The following RNFT2 variants were observed in gnomAD, a reference collection of about 807,000 sequenced individuals.
RNFT2 encodes E3 ubiquitin-protein ligase RNFT2.
A neutral mutation model predicts 53.0 loss-of-function variants in RNFT2; 36 were observed. The ratio of observed to expected loss-of-function variants is 0.68; its 90% CI spans 0.52 to 0.90. RNFT2 has a LOEUF of 0.90. Ranked by LOEUF, RNFT2 falls within the 40% of genes least tolerant of loss-of-function variation. The pLI, the probability that RNFT2 is intolerant of heterozygous loss-of-function variation, is 0.00. For synonymous variants in RNFT2, 260 were observed against 253.2 expected (o/e 1.03, Z -0.26); for missense variants, 514 against 585.6 (o/e 0.88, Z 1.26).
intron 10 of RNFT2, among the ~76,000 whole-genome samples, chr12:116,837,987 G>A (rs574564385): frequency 4.0e-5 from 6 of 151,628 alleles, no homozygotes; most frequent in Non-Finnish European, 8.8e-5. Flanking sequence ...ATGTATATGT[G>A]TGTATATATT....
intron 7 of RNFT2, among the ~76,000 whole-genome samples, chr12:116,833,020 TC>T (rs1456575817): frequency 6.7e-6 from 1 of 150,182 alleles, no homozygotes; most frequent in Admixed American, 6.7e-5. Flanking sequence ...TTCAAGCAAT[TC>T]TCCTGCCTCG....
At chr12:116,771,876 A>G (rs1873213237) in intron 6 of RNFT2, among the ~76,000 whole-genome samples, 1 of 152,162 alleles carries the variant, frequency 6.6e-6, no homozygotes, top group Non-Finnish European at 1.5e-5. Flanking sequence ...TTGAAACGAG[A>G]CGCTTCCTCC....
intron 7 of RNFT2, among the ~76,000 whole-genome samples, chr12:116,800,412 C>G (rs1232781420): frequency 6.6e-6 from 1 of 151,700 alleles, no homozygotes; most frequent in Non-Finnish European, 1.5e-5. Flanking sequence ...GCGGGCAGAT[C>G]ACCTGAGGTC....
chr12:116,754,877 C>T (rs1235114225), intron 5 of RNFT2, among the ~76,000 whole-genome samples: 1 of 151,684 alleles, frequency 6.6e-6, no homozygotes, highest in East Asian at 1.9e-4. Context: ...TTGTAGATTC[C>T]GGATATTAGT....
chr12:116,836,691 G>A (rs1270528162), intron 10 of RNFT2, among the ~76,000 whole-genome samples: 6 of 152,134 alleles, frequency 3.9e-5, no homozygotes, highest in African/African-American at 7.2e-5. Flanking sequence ...TTGGAAGGCC[G>A]AGGCAGGCAG....
intron 5 of RNFT2, among the ~76,000 whole-genome samples, chr12:116,755,183 C>T (rs942847321): frequency 1.3e-5 from 2 of 152,106 alleles, no homozygotes; most frequent in Non-Finnish European, 2.9e-5. Flanking sequence ...AGATGAGGAT[C>T]CAGTTTCACT....
chr12:116,742,548 A>G (rs76865895), intron 3 of RNFT2, among the ~76,000 whole-genome samples: 7,311 of 152,246 alleles, frequency 0.048, 203 homozygotes, highest in Non-Finnish European at 0.053. Context: ...CGCTGGGATT[A>G]TAAGCGCAAG....
intron 5 of RNFT2, among the ~76,000 whole-genome samples, chr12:116,760,874 CTTCTT>C (rs1872669141): frequency 1.3e-5 from 2 of 152,178 alleles, no homozygotes; most frequent in Admixed American, 1.3e-4. Flanking sequence ...ACCAAAACCT[CTTCTT>C]TTATTTCATA....
Position 116,852,051 on chromosome 12 carries a change from C to A in RNFT2, c.*2603C>A. 2.6e-6 allele frequency: 3 copies of A among 1,164,712 alleles called. No homozygotes were observed. The highest frequency in any genetic ancestry group is 3.5e-6 in the Non-Finnish European group (3 of 854,656). The allele number at this position is 1,164,712 out of a possible 1,614,324, so 72.1% of individuals were successfully genotyped here. ...GCTTCTGTGATCTCTATGACAGAGC[C>A]ACTTCTCCACCTCTGAAATGTTCCC... is the stretch of plus-strand genomic sequence containing the variant. On this transcript the variant is annotated 3_prime_UTR_variant, in exon 11 of 11. Transcript: ENST00000257575.
At chr12:116,808,252 C>A (rs1373323759) in intron 7 of RNFT2, among the ~76,000 whole-genome samples, 1 of 152,026 alleles carries the variant, frequency 6.6e-6, no homozygotes, top group Admixed American at 6.6e-5. Flanking sequence ...CCACACCTGG[C>A]CTAATTTTTA....
intron 7 of RNFT2, among the ~76,000 whole-genome samples, chr12:116,822,334 G>GTCTCTCTCTCTGTCTC (rs993948136): frequency 6.6e-6 from 1 of 151,870 alleles, no homozygotes; most frequent in Non-Finnish European, 1.5e-5. Flanking sequence ...AACAGGGTCT[G>GTCTCTCTCTCTGTCTC]TCTCTCTCTC....
intron 5 of RNFT2, among the ~76,000 whole-genome samples, chr12:116,762,413 AAAC>A (rs1160641372): frequency 2.0e-4 from 31 of 151,452 alleles, no homozygotes; most frequent in Admixed American, 9.2e-4. Context: ...CAAAAAAAAA[AAAC>A]AAAGAAAGAA....
chr12:116,762,306 G>A (rs1872721422), intron 5 of RNFT2, among the ~76,000 whole-genome samples: 1 of 151,882 alleles, frequency 6.6e-6, no homozygotes, highest in Non-Finnish European at 1.5e-5. Flanking sequence ...CTTGAACCTG[G>A]GAGGTGGAGG....
chr12:116,780,808 G>A (rs1002710927), intron 7 of RNFT2, among the ~76,000 whole-genome samples: 1 of 152,088 alleles, frequency 6.6e-6, no homozygotes, highest in African/African-American at 2.4e-5. Context: ...CTCATGCAGG[G>A]TTCCAGGTCG....
intron 4 of RNFT2, among the ~76,000 whole-genome samples, chr12:116,753,112 G>T (rs1872324086): frequency 3.3e-5 from 5 of 149,996 alleles, no homozygotes; most frequent in Admixed American, 3.3e-4. Context: ...AATTCCTTAT[G>T]GCGTTGTAAG....
In RNFT2 at chr12:116,804,722, G is replaced by A. The variant is rs190941798; in HGVS notation, c.882+25374G>A. ...GCGGTGGCTCACGCCTGTAATCCCA[G>A]CATTTTGGGAGGCCACAGTGGGCAG... On this transcript the variant is annotated intron_variant, in intron 7 of 10. Transcript: ENST00000257575. 7.5e-3 allele frequency among the ~76,000 whole-genome samples: 1,138 copies of A among 152,292 alleles called. 7 individuals carry two copies. Among genetic ancestry groups the A allele is most frequent in the Non-Finnish European group, 0.013 (853 of 68,032 alleles).
At chr12:116,810,636 G>A (rs1040413280) in intron 7 of RNFT2, among the ~76,000 whole-genome samples, 4 of 152,154 alleles carry the variant, frequency 2.6e-5, no homozygotes, top group Non-Finnish European at 4.4e-5. Flanking sequence ...GGCAACCCCT[G>A]CTGTGGGGTG....
At chr12:116,774,031 G>T (rs1465456627) in intron 6 of RNFT2, among the ~76,000 whole-genome samples, 1 of 152,172 alleles carries the variant, frequency 6.6e-6, no homozygotes, top group Non-Finnish European at 1.5e-5. Context: ...TTTGTGAATT[G>T]AAATAAGCCA....
At position 116,749,857 on chromosome 12, in the gene RNFT2, C is replaced by T; in HGVS notation, c.100C>T (p.Leu34Phe). 1 of 1,580,394 alleles carries T rather than the reference C, an allele frequency of 6.3e-7. No individual in the cohort carries two copies. ...GGCACCCAGAAACCGCAGCCAGGCG[C>T]TCAGCTCCGAGGCGAGTGTGGATGA... ...IPPERNRSQALSSEASVDEGG... is the reference protein window; with the variant it reads ...IPPERNRSQAFSSEASVDEGG... Residue 34 changes from leucine to phenylalanine, a missense_variant, in exon 4 of 11, where the codon CTC becomes TTC. Physicochemically the swap from Leu to Phe is conservative, Grantham distance 22. This residue lies in a region of RNFT2 where 237 missense variants were observed against 235.1 expected (regional missense o/e 1.01). Transcript: ENST00000257575.
Sources: gnomAD v4.1 joint callset for allele counts (sites outside exome capture counted in the v4.1 genomes callset) on GRCh38, gnomAD v4.1.1 for gene constraint, gnomAD v4.1.1 regional missense constraint, MANE v1.5 for transcripts, NCBI Gene and HGNC (gene_info 2026-07-23, HGNC 2026-07-21) for gene names.